Variants in SEM1 observed in about 807,000 individuals in gnomAD.
SEM1 encodes the protein 26S proteasome complex subunit SEM1.
SEM1 carries 3 observed loss-of-function variants against 12.7 expected under a neutral mutation model. The observed-to-expected ratio is 0.24, with a 90% CI of 0.11 to 0.61. The LOEUF (loss-of-function observed/expected upper bound fraction) is 0.61. Among genes scored for constraint, SEM1 ranks in the 20% least tolerant of loss-of-function variants. The pLI, the probability that SEM1 is intolerant of heterozygous loss-of-function variation, is 0.88. For synonymous variants in SEM1, 30 were observed against 27.8 expected (o/e 1.08, Z -0.25); for missense variants, 59 against 81.3 (o/e 0.73, Z 1.06).
At chr7:96,530,381 T>C (rs1804603236) in intron 2 of SEM1, among the ~76,000 whole-genome samples, 1 of 152,016 alleles carries the variant, frequency 6.6e-6, no homozygotes, top group Non-Finnish European at 1.5e-5. Flanking sequence ...GAGGGCCCCA[T>C]GGAGGTCTCA....
intron 2 of SEM1, among the ~76,000 whole-genome samples, chr7:96,521,604 G>A (rs546289685): frequency 5.9e-5 from 9 of 152,066 alleles, no homozygotes; most frequent in Admixed American, 2.6e-4. Flanking sequence ...CGGTATTTTC[G>A]GTCAGGTCAC....
At chr7:96,512,830 G>A (rs1803972947) in intron 2 of SEM1, among the ~76,000 whole-genome samples, 1 of 152,048 alleles carries the variant, frequency 6.6e-6, no homozygotes, top group Non-Finnish European at 1.5e-5. Flanking sequence ...GAGTCAGAAA[G>A]GCTGCTCACA....
chr7:96,603,291 T>G (rs1807247183), intron 2 of SEM1, among the ~76,000 whole-genome samples: 1 of 152,200 alleles, frequency 6.6e-6, no homozygotes, highest in Admixed American at 6.5e-5. Context: ...GGTTGACCAG[T>G]TACCAAACAC....
chr7:96,540,991 C>T (rs951219391), intron 2 of SEM1, among the ~76,000 whole-genome samples: 3 of 151,548 alleles, frequency 2.0e-5, no homozygotes, highest in African/African-American at 7.3e-5. Context: ...ATTGATGGGC[C>T]CCTAGATTGA....
intron 2 of SEM1, among the ~76,000 whole-genome samples, chr7:96,575,968 C>CCA (rs1277076097): frequency 3.9e-5 from 6 of 152,170 alleles, no homozygotes; most frequent in Non-Finnish European, 8.8e-5. Flanking sequence ...ATCCATTTAT[C>CCA]TTTGTATATG....
intron 2 of SEM1, among the ~76,000 whole-genome samples, chr7:96,535,319 A>C (rs1292788986): frequency 6.6e-6 from 1 of 151,862 alleles, no homozygotes; most frequent in Non-Finnish European, 1.5e-5. Context: ...ACAAGCAAAA[A>C]TCCTTAAGGA....
At chr7:96,580,267 A>G (rs199502661) in intron 2 of SEM1, among the ~76,000 whole-genome samples, 134 of 147,780 alleles carry the variant, frequency 9.1e-4, no homozygotes, top group African/African-American at 3.2e-3. Context: ...ATGATTTCCA[A>G]TTTCATCCAT....
At chr7:96,634,992 G>C (rs182331066) in intron 2 of SEM1, among the ~76,000 whole-genome samples, 349 of 152,202 alleles carry the variant, frequency 2.3e-3, no homozygotes, top group South Asian at 5.4e-3. Flanking sequence ...GAACTACAAA[G>C]AGCCAGTATG....
At chr7:96,670,353 A>T, downstream of SEM1, among the ~76,000 whole-genome samples, 1 of 152,194 alleles carries the variant, frequency 6.6e-6, no homozygotes, top group Middle Eastern at 3.2e-3. Flanking sequence ...AACATAAATT[A>T]TGATGTAAAA....
At chr7:96,671,287 A>G (rs1383892637), downstream of SEM1, among the ~76,000 whole-genome samples, 3 of 152,202 alleles carry the variant, frequency 2.0e-5, no homozygotes, top group African/African-American at 7.2e-5. Context: ...ACATTTTTTC[A>G]GTGATAGTTT....
At chr7:96,585,569 G>A (rs1014075279) in intron 2 of SEM1, among the ~76,000 whole-genome samples, 28 of 152,346 alleles carry the variant, frequency 1.8e-4, no homozygotes, top group Non-Finnish European at 1.5e-4. Flanking sequence ...CCCCAGCCTC[G>A]CTGCTGCCTT....
intron 1 of SEM1, among the ~76,000 whole-genome samples, chr7:96,491,980 A>G (rs1161665953): frequency 6.6e-6 from 1 of 152,192 alleles, no homozygotes; most frequent in East Asian, 1.9e-4. Flanking sequence ...ATTCAGGTGT[A>G]CAGATTCCAC....
Position 96,488,854 on chromosome 7 carries a change from A to G in SEM1, c.13-2437T>C, listed in dbSNP as rs140728007. Among the ~76,000 whole-genome samples, 260 of 152,186 alleles carry G rather than the reference A, an allele frequency of 1.7e-3. 1 individual carries two copies. Among genetic ancestry groups the G allele is most frequent in the African/African-American group, 6.0e-3 (251 of 41,532 alleles). On this transcript the variant is annotated intron_variant, in intron 1 of 3. Transcript: ENST00000356686. ...CTGTTTTGTTCTTTGGGCTGTGGGT[A>G]AAAGAAGTGGCAAGGGGAGCCAGTT... is the stretch of plus-strand genomic sequence containing the variant.
At chr7:96,542,116 T>A (rs1804975937) in intron 2 of SEM1, among the ~76,000 whole-genome samples, 1 of 151,444 alleles carries the variant, frequency 6.6e-6, no homozygotes, top group Admixed American at 6.6e-5. Flanking sequence ...AATTTTAGAA[T>A]TTTTTTTCTA....
At chr7:96,568,229 A>G (rs1805909893) in intron 2 of SEM1, among the ~76,000 whole-genome samples, 1 of 139,800 alleles carries the variant, frequency 7.2e-6, no homozygotes, top group Admixed American at 7.2e-5. Flanking sequence ...GTTTCTAGAA[A>G]TGTCAACCAT....
intron 2 of SEM1, chr7:96,622,919 G>A (rs1807940890): frequency 2.6e-6 from 1 of 380,216 alleles, no homozygotes; most frequent in African/African-American, 2.0e-5. Flanking sequence ...TGCCAGTCTT[G>A]ACATCTGTGA....
Position 96,695,010 on chromosome 7 carries a change from A to T in SEM1, c.77-119T>A, listed in dbSNP as rs146774860. 209 of 642,524 alleles carry T rather than the reference A, an allele frequency of 3.3e-4. No homozygotes were observed. In the East Asian group the frequency reaches 5.6e-3, roughly 17 times the overall value. 39.8% of individuals were successfully genotyped at this position (642,524 alleles called of 1,614,324 possible). A position where few individuals can be genotyped will look rare whatever the true frequency, so the allele number is the denominator to read the frequency against. On this transcript the variant is annotated intron_variant, in intron 1 of 2. Transcript: ENST00000248566. Reference sequence around the variant, plus strand: ...TTCAAAAACAGCTAAAACCATATCTATGAAAAATGGTATCTTCCTTAAATC... The same window carrying T: ...TTCAAAAACAGCTAAAACCATATCTTTGAAAAATGGTATCTTCCTTAAATC...
At chr7:96,704,337 T>C (rs1790377666) in intron 1 of SEM1, among the ~76,000 whole-genome samples, 2 of 152,304 alleles carry the variant, frequency 1.3e-5, no homozygotes, top group Non-Finnish European at 2.9e-5. Context: ...AACTGTGTTT[T>C]TACTTTTTAA....
In SEM1 at chr7:96,531,911, C is replaced by G. The variant is rs962988988; in HGVS notation, c.171-25213G>C. 3.3e-5 allele frequency among the ~76,000 whole-genome samples: 5 copies of G among 151,980 alleles called. No homozygotes were observed. The South Asian group carries it at 8.3e-4, about 25-fold the overall frequency. ...ATTTTTATCACTTTCATTTTTATCC[C>G]TATTAAGTATTTTTACAGATCTAAT... On this transcript the variant is annotated intron_variant and NMD_transcript_variant, in intron 2 of 3. Coordinates refer to the SEM1 transcript ENST00000466986.
Sources: allele counts gnomAD v4.1 joint callset (sites outside exome capture counted in the v4.1 genomes callset), GRCh38; gene constraint gnomAD v4.1.1; transcripts MANE v1.5; gene names NCBI Gene and HGNC (gene_info 2026-07-23, HGNC 2026-07-21).